Variants in EVA1A observed in about 807,000 individuals in gnomAD.
EVA1A encodes eva-1 homolog A, regulator of programmed cell death, also known as protein eva-1 homolog A.
A neutral mutation model predicts 9.8 loss-of-function variants in EVA1A; 7 were observed. The ratio of observed to expected loss-of-function variants is 0.71; its 90% CI spans 0.41 to 1.34. EVA1A has a LOEUF of 1.34. Among genes scored for constraint, EVA1A ranks in the 40% most tolerant of loss-of-function variants. The pLI is 0.01. For missense variants in EVA1A, 206 were observed against 205.9 expected (o/e 1.00, Z 0.00); for synonymous variants, 90 against 85.6 (o/e 1.05, Z -0.28).
intron 1 of EVA1A, among the ~76,000 whole-genome samples, chr2:75,545,616 A>AC (rs765907874): frequency 2.6e-5 from 4 of 151,764 alleles, no homozygotes; most frequent in Non-Finnish European, 5.9e-5. Context: ...AAAAGTGGTG[A>AC]CCAGACATGT....
intron 3 of EVA1A, among the ~76,000 whole-genome samples, chr2:75,493,833 T>C (rs1360953076): frequency 6.6e-6 from 1 of 152,208 alleles, no homozygotes; most frequent in Non-Finnish European, 1.5e-5. Context: ...CTTGCAACTT[T>C]AACTTAGAGA....
chr2:75,547,738 A>T (rs942978670), intron 1 of EVA1A, among the ~76,000 whole-genome samples: 1 of 152,154 alleles, frequency 6.6e-6, no homozygotes, highest in Non-Finnish European at 1.5e-5. Flanking sequence ...ATAGCTCCTA[A>T]CTGGCTCCCT....
At chr2:75,555,890 G>A (rs527285941) in intron 1 of EVA1A, among the ~76,000 whole-genome samples, 2 of 152,206 alleles carry the variant, frequency 1.3e-5, no homozygotes, top group South Asian at 2.1e-4. Flanking sequence ...CCAAGCTCCC[G>A]CTTACACGTT....
chr2:75,529,775 T>C (rs956902662), intron 1 of EVA1A, among the ~76,000 whole-genome samples: 1 of 152,110 alleles, frequency 6.6e-6, no homozygotes, highest in Non-Finnish European at 1.5e-5. Flanking sequence ...CAGCATTAAA[T>C]GCCTAAATCA....
intron 3 of EVA1A, among the ~76,000 whole-genome samples, chr2:75,498,801 C>CTTT (rs35246724): frequency 6.8e-6 from 1 of 147,234 alleles, no homozygotes; most frequent in South Asian, 2.1e-4. Flanking sequence ...CCACACACAC[C>CTTT]TTTTTTTTTT....
Position 75,551,466 on chromosome 2 carries a change from G to A in EVA1A, c.-192+9214C>T, listed in dbSNP as rs1376527307. 5.9e-5 allele frequency among the ~76,000 whole-genome samples: 9 copies of A among 152,164 alleles called. No individual in the cohort carries two copies. In the South Asian group the frequency reaches 8.3e-4, roughly 14 times the overall value. On this transcript the variant is annotated intron_variant, in intron 1 of 3. Coordinates refer to ENST00000393913, the MANE Select transcript of EVA1A (RefSeq NM_001135032.2). The stretch of plus-strand genomic sequence containing the variant: ...CCTCTCCTGGAAACTCTCCTCTTCC[G>A]CATCCCAGTCTCCCATTTCCTCCTG...
chr2:75,563,999 G>A (rs969342358), upstream of EVA1A, among the ~76,000 whole-genome samples: 1 of 152,138 alleles, frequency 6.6e-6, no homozygotes, highest in African/African-American at 2.4e-5. Flanking sequence ...TATAAAAGAG[G>A]GAAATAGCTA....
intron 1 of EVA1A, among the ~76,000 whole-genome samples, chr2:75,543,666 G>GTGGGCGGCTTCTACCTGAGACCTTCC (rs1418548963): frequency 6.6e-6 from 1 of 152,178 alleles, no homozygotes. Flanking sequence ...TCTTGGGGAG[G>GTGGGCGGCTTCTACCTGAGACCTTCC]TGGGCGGCTT....
chr2:75,530,205 AAC>A (rs1430041952), intron 1 of EVA1A, among the ~76,000 whole-genome samples: 1 of 152,186 alleles, frequency 6.6e-6, no homozygotes, highest in African/African-American at 2.4e-5. Context: ...ACCAGGAAGA[AAC>A]AGTAACTCTG....
chr2:75,562,275 C>G (rs1676941599), upstream of EVA1A, among the ~76,000 whole-genome samples: 1 of 152,112 alleles, frequency 6.6e-6, no homozygotes, highest in African/African-American at 2.4e-5. Flanking sequence ...CAATAGGTGG[C>G]CCCAGCTCCA....
intron 1 of EVA1A, among the ~76,000 whole-genome samples, chr2:75,531,565 G>A (rs1675649683): frequency 6.6e-6 from 1 of 151,720 alleles, no homozygotes. Flanking sequence ...TATATATGAT[G>A]GAATACTACT....
rs1426980428 is a variant in EVA1A at position 75,549,267 on chromosome 2, C to G, written c.-192+11413G>C. On this transcript the variant is annotated intron_variant, in intron 1 of 3. Transcript: ENST00000393913. ...CTTTTTCATGACAGAAAATTCAGAC[C>G]CTGTGGAATAGGAATAAAGCCAAGT... Among the ~76,000 whole-genome samples the G allele has an allele frequency of 2.6e-5, 4 of 151,904 alleles. No homozygotes were observed. The East Asian group carries it at 7.7e-4, about 29-fold the overall frequency.
At chr2:75,562,930 C>T (rs533387216), upstream of EVA1A, among the ~76,000 whole-genome samples, 2 of 152,168 alleles carry the variant, frequency 1.3e-5, no homozygotes, top group Admixed American at 6.5e-5. Flanking sequence ...GGCACAGGTG[C>T]CAATAGGTGA....
At chr2:75,494,371 G>A (rs559034961) in intron 3 of EVA1A, among the ~76,000 whole-genome samples, 2 of 152,276 alleles carry the variant, frequency 1.3e-5, no homozygotes, top group South Asian at 4.1e-4. Context: ...ACCGAGGGAC[G>A]ACTGTAGGAT....
chr2:75,511,795 G>A (rs1369406951), intron 3 of EVA1A, among the ~76,000 whole-genome samples: 1 of 152,060 alleles, frequency 6.6e-6, no homozygotes, highest in Non-Finnish European at 1.5e-5. Flanking sequence ...TACATGCGCA[G>A]GATATAGCAG....
intron 3 of EVA1A, among the ~76,000 whole-genome samples, chr2:75,512,722 A>G (rs759632619): frequency 3.3e-5 from 5 of 152,038 alleles, no homozygotes; most frequent in Admixed American, 6.6e-5. Context: ...TGCTTTCTCA[A>G]CCTCAGAACT....
chr2:75,545,114 A>G (rs1383584061), intron 1 of EVA1A, among the ~76,000 whole-genome samples: 1 of 152,210 alleles, frequency 6.6e-6, no homozygotes, highest in East Asian at 1.9e-4. Flanking sequence ...TCCACATAAG[A>G]TTTCATTGAA....
intron 3 of EVA1A, 170 bp downstream of exon 3, chr2:75,517,886 T>A (rs1176498079): frequency 1.2e-6 from 1 of 803,844 alleles, no homozygotes; most frequent in East Asian, 2.7e-5. Context: ...AATGACAAGC[T>A]TAACTCCCAA....
At chr2:75,544,100 T>G (rs1470185522) in intron 1 of EVA1A, among the ~76,000 whole-genome samples, 2 of 152,236 alleles carry the variant, frequency 1.3e-5, no homozygotes, top group Non-Finnish European at 2.9e-5. Flanking sequence ...AAGGTTCTCC[T>G]GCCAAAACCA....
Sources: allele counts gnomAD v4.1 joint callset (sites outside exome capture counted in the v4.1 genomes callset), GRCh38; gene constraint gnomAD v4.1.1; transcripts MANE v1.5; gene names NCBI Gene and HGNC (gene_info 2026-07-23, HGNC 2026-07-21).